The following MEI4 variants were observed in gnomAD, a reference collection of about 807,000 sequenced individuals.
The protein encoded by MEI4 is meiotic double-stranded break formation protein 4, also known as meiosis-specific protein MEI4.
MEI4 carries 27 observed loss-of-function variants against 31.4 expected under a neutral mutation model. That is an observed-to-expected ratio of 0.86 (90% CI 0.63 to 1.19). The LOEUF (loss-of-function observed/expected upper bound fraction) is 1.19, where lower values mean the gene tolerates loss of function less well. MEI4 is among the 50% of genes most tolerant of loss of function. The pLI, the probability that MEI4 is intolerant of heterozygous loss-of-function variation, is 0.00. For missense variants in MEI4, 329 were observed against 398.9 expected (o/e 0.82, Z 1.49); for synonymous variants, 122 against 145.4 (o/e 0.84, Z 1.16).
intron 4 of MEI4, among the ~76,000 whole-genome samples, chr6:77,832,163 A>G (rs955878843): frequency 6.6e-6 from 1 of 152,008 alleles, no homozygotes; most frequent in Non-Finnish European, 1.5e-5. Flanking sequence ...AGATTTTCCA[A>G]CCTAAAGTAA....
intron 3 of MEI4, among the ~76,000 whole-genome samples, chr6:77,817,009 T>C (rs928209043): frequency 2.0e-5 from 3 of 151,264 alleles, no homozygotes; most frequent in African/African-American, 7.3e-5. Context: ...GATGACACTA[T>C]TGTGTGTGTG....
intron 4 of MEI4, among the ~76,000 whole-genome samples, chr6:77,839,561 G>A (rs1010067841): frequency 3.9e-5 from 6 of 152,058 alleles, no homozygotes; most frequent in African/African-American, 1.4e-4. Flanking sequence ...GATGTAAACC[G>A]CTGTGTATAA....
At chr6:77,893,741 C>T (rs903417113) in intron 4 of MEI4, among the ~76,000 whole-genome samples, 5 of 152,176 alleles carry the variant, frequency 3.3e-5, no homozygotes, top group Non-Finnish European at 7.3e-5. Flanking sequence ...TCTTGCCAGC[C>T]ACTAATGCAA....
chr6:77,770,751 A>G (rs1260838693), intron 3 of MEI4, among the ~76,000 whole-genome samples: 2 of 152,160 alleles, frequency 1.3e-5, no homozygotes, highest in African/African-American at 4.8e-5. Context: ...CAATGAGGAG[A>G]GGACTCCCTA....
chr6:77,894,093 G>A (rs1766025707), intron 4 of MEI4, among the ~76,000 whole-genome samples: 1 of 152,098 alleles, frequency 6.6e-6, no homozygotes, highest in Non-Finnish European at 1.5e-5. Context: ...TAAATGTGAA[G>A]TATTTTATGA....
At chr6:77,712,749 ATCACGAGG>A (rs1766495025) in intron 2 of MEI4, among the ~76,000 whole-genome samples, 1 of 152,118 alleles carries the variant, frequency 6.6e-6, no homozygotes, top group Non-Finnish European at 1.5e-5. Flanking sequence ...AGGCAGGTGG[ATCACGAGG>A]TCAGGAGATG....
chr6:77,907,859 T>C (rs1003915284), intron 4 of MEI4, among the ~76,000 whole-genome samples: 1 of 152,042 alleles, frequency 6.6e-6, no homozygotes, highest in Non-Finnish European at 1.5e-5. Flanking sequence ...TATGAGATGG[T>C]ATCTCATTGT....
intron 4 of MEI4, among the ~76,000 whole-genome samples, chr6:77,883,445 C>G (rs1771534759): frequency 6.6e-6 from 1 of 151,392 alleles, no homozygotes; most frequent in African/African-American, 2.4e-5. Context: ...CATCTCCAAC[C>G]CCACCCCGCC....
intron 4 of MEI4, among the ~76,000 whole-genome samples, chr6:77,864,611 G>C (rs1487092207): frequency 1.3e-5 from 2 of 152,158 alleles, no homozygotes; most frequent in Admixed American, 6.5e-5. Context: ...AAGAGACTTA[G>C]ACTCCCATAC....
chr6:77,864,158 A>G (rs1770952082), intron 4 of MEI4, among the ~76,000 whole-genome samples: 1 of 152,230 alleles, frequency 6.6e-6, no homozygotes, highest in Non-Finnish European at 1.5e-5. Flanking sequence ...GAGGCTAGGA[A>G]GTAACTGCAT....
At chr6:77,669,596 AAG>A (rs1273575342) in intron 1 of MEI4, among the ~76,000 whole-genome samples, 1 of 148,396 alleles carries the variant, frequency 6.7e-6, no homozygotes, top group Non-Finnish European at 1.5e-5. Context: ...TGCTGAGTAA[AAG>A]AGTAAAAGCA....
At chr6:77,875,745 T>G in intron 4 of MEI4, among the ~76,000 whole-genome samples, 1 of 152,152 alleles carries the variant, frequency 6.6e-6, no homozygotes, top group East Asian at 1.9e-4. Flanking sequence ...TTGTAAGAGT[T>G]TCAAAGAAAT....
At chr6:77,861,579 CTT>C (rs911138503) in intron 4 of MEI4, among the ~76,000 whole-genome samples, 1 of 152,024 alleles carries the variant, frequency 6.6e-6, no homozygotes, top group Non-Finnish European at 1.5e-5. Context: ...TTTTTCCTGT[CTT>C]TTTTTACATG....
At chr6:77,657,784 A>G (rs1403516178) in intron 1 of MEI4, among the ~76,000 whole-genome samples, 1 of 152,152 alleles carries the variant, frequency 6.6e-6, no homozygotes, top group Non-Finnish European at 1.5e-5. Flanking sequence ...CTATGCCATT[A>G]TATGCTCTCT....
intron 4 of MEI4, among the ~76,000 whole-genome samples, chr6:77,883,717 G>GATATGTATATATATATATAT (rs1771543129): frequency 6.9e-5 from 3 of 43,338 alleles, no homozygotes; most frequent in Non-Finnish European, 1.1e-4. Flanking sequence ...TATTATGTAA[G>GATATGTATATATATATATAT]ATATATATAT....
At chr6:77,656,639 A>G (rs931919984) in intron 1 of MEI4, among the ~76,000 whole-genome samples, 3 of 152,224 alleles carry the variant, frequency 2.0e-5, no homozygotes, top group African/African-American at 4.8e-5. Flanking sequence ...GTTTCTTATA[A>G]TAATCTGCCT....
At chr6:77,880,983 AT>A (rs947734425) in intron 4 of MEI4, among the ~76,000 whole-genome samples, 4 of 151,500 alleles carry the variant, frequency 2.6e-5, no homozygotes, top group East Asian at 1.9e-4. Flanking sequence ...TGATTAGTGT[AT>A]TTTTTTTGGA....
chr6:77,926,832 A>G lies in MEI4; in HGVS notation c.*3486A>G, dbSNP rs528651658. ...GACCCAACTACATCAATATTTGCTGAAGGAGATAATTAACTTGTTAATGTT... is the reference window on the plus strand; with the variant it reads ...GACCCAACTACATCAATATTTGCTGGAGGAGATAATTAACTTGTTAATGTT... On this transcript the variant is annotated 3_prime_UTR_variant, in exon 5 of 5. Coordinates refer to ENST00000684080, the MANE Select transcript of MEI4 (RefSeq NM_001322247.2). The G allele has an allele frequency of 3.9e-5, 6 of 151,968 alleles. No homozygotes were observed. Among genetic ancestry groups the G allele is most frequent in the Non-Finnish European group, 8.8e-5 (6 of 67,944 alleles). 9.4% of individuals were successfully genotyped at this position (151,968 alleles called of 1,614,324 possible).
intron 3 of MEI4, among the ~76,000 whole-genome samples, chr6:77,793,042 T>A (rs1466549661): frequency 2.0e-5 from 3 of 152,160 alleles, no homozygotes; most frequent in African/African-American, 7.2e-5. Flanking sequence ...AGAGAATGTT[T>A]TTCTCCCAGT....
Sources: gnomAD v4.1 joint callset for allele counts (sites outside exome capture counted in the v4.1 genomes callset) on GRCh38, gnomAD v4.1.1 for gene constraint, MANE v1.5 for transcripts, NCBI Gene and HGNC (gene_info 2026-07-23, HGNC 2026-07-21) for gene names.